MCAM: variants seen among roughly 807,000 people sequenced by gnomAD.
MCAM encodes melanoma cell adhesion molecule.
A neutral mutation model predicts 79.1 loss-of-function variants in MCAM; 55 were observed. The observed-to-expected ratio is 0.70, with a 90% CI of 0.56 to 0.87. MCAM has a LOEUF of 0.87. Ranked by LOEUF, MCAM falls within the 40% of genes least tolerant of loss-of-function variation. The pLI is 0.00. For synonymous variants in MCAM, 330 were observed against 339.8 expected (o/e 0.97, Z 0.32); for missense variants, 745 against 839.8 (o/e 0.89, Z 1.40).
Position 119,312,494 on chromosome 11 carries a change from T to A in MCAM, c.861+33A>T. On this transcript the variant is annotated intron_variant, in intron 7 of 15. Transcript: ENST00000264036. This position sits in a 1 kb window ranked among gnomAD's most constrained non-coding sequence, Gnocchi z 4.9. ...CACTCCACCTGGGTCTCTGCTTGCATCCCCACCTGCACCCAGCACAAAGCC... is the reference window on the plus strand; with the variant it reads ...CACTCCACCTGGGTCTCTGCTTGCAACCCCACCTGCACCCAGCACAAAGCC... 1 of 1,613,946 alleles carries A rather than the reference T, an allele frequency of 6.2e-7. No homozygotes were observed. Among genetic ancestry groups the A allele is most frequent in the South Asian group, 1.1e-5 (1 of 91,076 alleles).
rs2135330777 is a variant in MCAM, at chr11:119,308,797, T to C, written c.*1089A>G. 1 of 152,204 alleles carries C rather than the reference T, an allele frequency of 6.6e-6. No homozygotes were observed. Among genetic ancestry groups the C allele is most frequent in the East Asian group, 1.9e-4 (1 of 5,170 alleles). The allele number at this position is 152,204 out of a possible 1,614,324, so 9.4% of individuals were successfully genotyped here. A position where few individuals can be genotyped will look rare whatever the true frequency, so the allele number is the denominator to read the frequency against. ...TAGAAGTTTGGTGCTAATATAACCATAGCTTTAATCCCCATGAAGGACAGT... is the reference window on the plus strand; with the variant it reads ...TAGAAGTTTGGTGCTAATATAACCACAGCTTTAATCCCCATGAAGGACAGT... On this transcript the variant is annotated 3_prime_UTR_variant, in exon 16 of 16. Coordinates refer to ENST00000264036, the MANE Select transcript of MCAM (RefSeq NM_006500.3).
chr11:119,310,630 G>T, intron 14 of MCAM, 126 bp downstream of exon 14: 2 of 1,155,976 alleles, frequency 1.7e-6, no homozygotes, highest in Non-Finnish European at 2.5e-6. Flanking sequence ...TGGGCAGTGG[G>T]TAGTGGAGCA....
At chr11:119,310,732 C>T (rs371373471) in intron 14 of MCAM, 24 bp downstream of exon 14, 19 of 1,606,478 alleles carry the variant, frequency 1.2e-5, no homozygotes, top group South Asian at 3.3e-5. Flanking sequence ...CGGGCGGGGG[C>T]GGAGGGGCCG....
chr11:119,314,805 C>T (rs368516334), intron 3 of MCAM, 28 bp downstream of exon 3: 419 of 1,613,564 alleles, frequency 2.6e-4, no homozygotes, highest in Middle Eastern at 2.5e-3. Flanking sequence ...ACCCTCACTA[C>T]CCTGCTGGCA....
Position 119,311,359 on chromosome 11 carries a change from C to G in MCAM, c.1470G>C (p.Pro490=). Residue 490 remains proline, a synonymous_variant, in exon 12 of 16, where the codon CCG becomes CCC. Transcript: ENST00000264036. This position sits in a 1 kb window ranked among gnomAD's most constrained non-coding sequence, Gnocchi z 4.4. ...VLSTLNVLVT[P]ELLETGVECT... is the part of the protein sequence containing the mutation. ...ATTCAACACCTGTCTCCAACAGCTC[C>G]GGGGTCACGAGGACATTCAGGGTGC... The G allele has an allele frequency of 6.2e-7, 1 of 1,614,192 alleles. No individual in the cohort carries two copies. The highest frequency in any genetic ancestry group is 1.1e-5 in the South Asian group (1 of 91,072).
In MCAM at chr11:119,312,334, TC is replaced by T. The variant is rs1950246328; in HGVS notation, c.955del (p.Glu319AsnfsTer10). On this transcript the variant is annotated frameshift_variant, in exon 8 of 16. Coordinates refer to ENST00000264036, the MANE Select transcript of MCAM (RefSeq NM_006500.3). LOFTEE classifies it high-confidence loss of function. This position sits in a 1 kb window ranked among gnomAD's most constrained non-coding sequence, Gnocchi z 4.9. ...GGTGTCCAAGTCCAGGCCCTGACATTCATAGCGCCCACTGTGTTCCTTCCGG... is the reference window on the plus strand; with the variant it reads ...GGTGTCCAAGTCCAGGCCCTGACATTATAGCGCCCACTGTGTTCCTTCCGG... ...PARKEHSGRY[E>X]CQGLDLDTMI... 9.9e-6 allele frequency: 16 copies of T among 1,614,016 alleles called. No individual in the cohort carries two copies. Among genetic ancestry groups the T allele is most frequent in the Non-Finnish European group, 1.4e-5 (16 of 1,180,000 alleles).
intron 15 of MCAM, 23 bp downstream of exon 15, chr11:119,310,326 T>C (rs1313146936): frequency 6.1e-6 from 9 of 1,487,184 alleles, no homozygotes; most frequent in Non-Finnish European, 8.4e-6. Context: ...TGGCAGGCTC[T>C]GGCCACAGGA....
In MCAM at chr11:119,316,886, C is replaced by A. The variant is rs1007386841; in HGVS notation, c.67+149G>T. The A allele has an allele frequency of 3.4e-5, 21 of 621,426 alleles. No individual in the cohort carries two copies. The highest frequency in any genetic ancestry group is 3.0e-4 in the African/African-American group (15 of 50,812). 38.5% of individuals were successfully genotyped at this position (621,426 alleles called of 1,614,324 possible). On this transcript the variant is annotated intron_variant, in intron 1 of 15. Transcript: ENST00000264036. The surrounding 1 kb of genome is among the most constrained non-coding windows in gnomAD (Gnocchi z 4.8). ...TGGCTGCAAAGAAGAGTTGCTCGCG[C>A]GCAAGGCGCCCGGGGATCGGGGACC... is the stretch of plus-strand genomic sequence containing the variant.
In MCAM at chr11:119,309,813, CT is replaced by C; in HGVS notation, c.*72del. On this transcript the variant is annotated 3_prime_UTR_variant, in exon 16 of 16. Transcript: ENST00000264036. ...GGCTTCTCTCTAGTCCCTTTGGAGG[CT>C]TTGGCTGAGAGAAGAGTGAGCAGGG... 1 of 1,455,694 alleles carries C rather than the reference CT, an allele frequency of 6.9e-7. No homozygotes were observed. The highest frequency in any genetic ancestry group is 2.4e-5 in the East Asian group (1 of 42,340). 90.2% of individuals were successfully genotyped at this position (1,455,694 alleles called of 1,614,324 possible).
At position 119,311,996 on chromosome 11, in the gene MCAM, G is replaced by A. The variant is rs1423896140; in HGVS notation, c.1144-47C>T. 1.7e-5 allele frequency: 27 copies of A among 1,609,300 alleles called. No homozygotes were observed. The highest frequency in any genetic ancestry group is 2.0e-5 in the Non-Finnish European group (24 of 1,177,726). On this transcript the variant is annotated intron_variant, in intron 9 of 15. Coordinates refer to ENST00000264036, the MANE Select transcript of MCAM (RefSeq NM_006500.3). This position sits in a 1 kb window ranked among gnomAD's most constrained non-coding sequence, Gnocchi z 4.4. The stretch of plus-strand genomic sequence containing the variant: ...AGGGTCTGGGAAAGAGCACATTCTT[G>A]TCACCGCCAGCCCCACCCACCCCAT...
Position 119,312,647 on chromosome 11 carries a change from G to T in MCAM, c.741C>A (p.Tyr247Ter). ...CTTCCAGCCACACTTTTTCTGTCGG[G>T]TCTGCATAGGCAAAGGGGGTAGCTC... ...ESREVTVPVF[Y>*]PTEKVWLEVE... Residue 247 changes from tyrosine to a stop codon, truncating the protein, a stop_gained and splice_region_variant, in exon 7 of 16, where the codon TAC (tyrosine) becomes TAA (stop). Transcript: ENST00000264036. LOFTEE classifies it high-confidence loss of function. The surrounding 1 kb of genome is among the most constrained non-coding windows in gnomAD (Gnocchi z 4.9). 6.2e-7 allele frequency: 1 copy of T among 1,614,140 alleles called. No homozygotes were observed. Among genetic ancestry groups the T allele is most frequent in the East Asian group, 2.2e-5 (1 of 44,880 alleles).
rs186333062 is a variant in MCAM at position 119,313,241 on chromosome 11, G to T, written c.560-292C>A. 1,482 of 1,405,290 alleles carry T rather than the reference G, an allele frequency of 1.1e-3. 8 individuals carry two copies. Among genetic ancestry groups the T allele is most frequent in the Middle Eastern group, 6.2e-3 (33 of 5,344 alleles). 87.1% of individuals were successfully genotyped at this position (1,405,290 alleles called of 1,614,324 possible). A position where few individuals can be genotyped will look rare whatever the true frequency, so the allele number is the denominator to read the frequency against. ...CCACTAAATGGGGAATGGTGAACTCGACTACCTGCTATGCGTAGTATGGAA... is the reference window on the plus strand; with the variant it reads ...CCACTAAATGGGGAATGGTGAACTCTACTACCTGCTATGCGTAGTATGGAA... On this transcript the variant is annotated intron_variant, in intron 5 of 15. Transcript: ENST00000264036.
intron 15 of MCAM, 198 bp downstream of exon 15, chr11:119,310,151 G>A: frequency 1.6e-6 from 1 of 626,216 alleles, no homozygotes; most frequent in Non-Finnish European, 2.8e-6. Flanking sequence ...TGATGGGACA[G>A]GGTCTTTCTC....
chr11:119,311,088 A>AC lies in MCAM; in HGVS notation c.1645+1dup, dbSNP rs1439420801. Reference sequence around the variant, plus strand: ...CCTGTTCTCTTGCCAGGCCTGGCTTACCTGTGGAGGTGCTGTTGGCTCTGG... The same window carrying AC: ...CCTGTTCTCTTGCCAGGCCTGGCTTACCCTGTGGAGGTGCTGTTGGCTCTGG... On this transcript the variant is annotated splice_donor_variant, in intron 13 of 15. Coordinates refer to ENST00000264036, the MANE Select transcript of MCAM (RefSeq NM_006500.3). LOFTEE classifies it high-confidence loss of function. The surrounding 1 kb of genome is among the most constrained non-coding windows in gnomAD (Gnocchi z 4.4). 6.2e-7 allele frequency: 1 copy of AC among 1,614,202 alleles called. No homozygotes were observed.
chr11:119,314,596 A>G lies in MCAM; in HGVS notation c.472-20T>C. ...AGCGACCTAAAGAGCACAGGGTGTG[A>G]GTCTCCCTGCCTCCGAGCCCCCTTC... On this transcript the variant is annotated intron_variant, in intron 4 of 15. Coordinates refer to ENST00000264036, the MANE Select transcript of MCAM (RefSeq NM_006500.3). The G allele has an allele frequency of 6.2e-7, 1 of 1,611,524 alleles. No homozygotes were observed. The highest frequency in any genetic ancestry group is 8.5e-7 in the Non-Finnish European group (1 of 1,177,902).
chr11:119,309,520 ACC>A lies in MCAM; in HGVS notation c.*364_*365del. The A allele has an allele frequency of 3.5e-6, 1 of 289,260 alleles. No homozygotes were observed. Among genetic ancestry groups the A allele is most frequent in the Non-Finnish European group, 6.6e-6 (1 of 151,878 alleles). The allele number at this position is 289,260 out of a possible 1,614,324, so 17.9% of individuals were successfully genotyped here. Reference sequence around the variant, plus strand: ...TGGAAGCCAGCCTTTGGGGCAGGAAACCAGCTCAGAGAGGCTACCCAGCTCAG... The same window carrying A: ...TGGAAGCCAGCCTTTGGGGCAGGAAAAGCTCAGAGAGGCTACCCAGCTCAG... On this transcript the variant is annotated 3_prime_UTR_variant, in exon 16 of 16. Coordinates refer to ENST00000264036, the MANE Select transcript of MCAM (RefSeq NM_006500.3).
chr11:119,309,203 C>G lies in MCAM; in HGVS notation c.*683G>C, dbSNP rs1453948812. 2 of 152,482 alleles carry G rather than the reference C, an allele frequency of 1.3e-5. No individual in the cohort carries two copies. The highest frequency in any genetic ancestry group is 2.9e-5 in the Non-Finnish European group (2 of 68,282). 9.4% of individuals were successfully genotyped at this position (152,482 alleles called of 1,614,324 possible). A position where few individuals can be genotyped will look rare whatever the true frequency, so the allele number is the denominator to read the frequency against. ...GTTAGCCAGGATGGTCTCGTCCTGA[C>G]TTTGTGATCCGCCCGCCTCGGCCTC... On this transcript the variant is annotated 3_prime_UTR_variant, in exon 16 of 16. Transcript: ENST00000264036.
rs1398868582 is a variant in MCAM, at chr11:119,310,462, G to A, written c.1798C>T (p.Leu600=). The A allele has an allele frequency of 6.2e-7, 1 of 1,600,050 alleles. No individual in the cohort carries two copies. Residue 600 remains leucine (L), a synonymous_variant, in exon 15 of 16, where the codon CTA becomes TTA. Transcript: ENST00000264036. Reference sequence around the variant, plus strand: ...AGTTCGCTCTTACGAGACGGGGGTAGCGTGCTGGGAGGAGGGAGGGAGGTG... The same window carrying A: ...AGTTCGCTCTTACGAGACGGGGGTAACGTGCTGGGAGGAGGGAGGGAGGTG... The part of the protein sequence containing the change: ...CRRSGKQEIT[L]PPSRKSELVV...
At position 119,311,080 on chromosome 11, in the gene MCAM, C is replaced by A. The variant is rs939033995; in HGVS notation, c.1645+10G>T. Reference sequence around the variant, plus strand: ...GGCACAGCCCTGTTCTCTTGCCAGGCCTGGCTTACCTGTGGAGGTGCTGTT... The same window carrying A: ...GGCACAGCCCTGTTCTCTTGCCAGGACTGGCTTACCTGTGGAGGTGCTGTT... On this transcript the variant is annotated intron_variant, in intron 13 of 15. Coordinates refer to ENST00000264036, the MANE Select transcript of MCAM (RefSeq NM_006500.3). The surrounding 1 kb of genome is among the most constrained non-coding windows in gnomAD (Gnocchi z 4.4). The A allele has an allele frequency of 2.5e-6, 4 of 1,614,088 alleles. No individual in the cohort carries two copies. The highest frequency in any genetic ancestry group is 3.4e-6 in the Non-Finnish European group (4 of 1,180,046).
Sources: allele counts gnomAD v4.1 joint callset, GRCh38; gene constraint gnomAD v4.1.1; non-coding constraint Gnocchi (gnomAD v3.1); transcripts MANE v1.5; gene names NCBI Gene and HGNC (gene_info 2026-07-23, HGNC 2026-07-21).